Variants in DBH observed in about 807,000 individuals in gnomAD.
DBH encodes dopamine beta-hydroxylase.
Under a neutral mutation model 64.0 loss-of-function variants are expected in DBH, and 49 were observed. The observed-to-expected ratio is 0.77, with a 90% CI of 0.61 to 0.97. The LOEUF (loss-of-function observed/expected upper bound fraction) is 0.97, where lower values mean the gene tolerates loss of function less well. Ranked by LOEUF, DBH falls within the 50% of genes least tolerant of loss-of-function variation. DBH has a pLI of 0.00. For missense variants in DBH, 828 were observed against 826.6 expected, an observed-to-expected ratio of 1.00 and a Z score of -0.02; for synonymous variants, 343 against 347.1, an observed-to-expected ratio of 0.99 and a Z score of 0.13.
At position 133,658,482 on chromosome 9, in the gene DBH, C is replaced by T; in HGVS notation, c.*35C>T. 6.3e-7 allele frequency: 1 copy of T among 1,579,318 alleles called. No individual in the cohort carries two copies. The highest frequency in any genetic ancestry group is 8.6e-7 in the Non-Finnish European group (1 of 1,161,188). ...TACTCCTCCCCCTCCTCCATGCTGT[C>T]CCTGTGGGCTCACACCGGCACTGTG... On this transcript the variant is annotated 3_prime_UTR_variant, in exon 12 of 12. Coordinates refer to ENST00000393056, the MANE Select transcript of DBH (RefSeq NM_000787.4).
intron 5 of DBH, among the ~76,000 whole-genome samples, chr9:133,647,328 A>G (rs1327804254): frequency 2.6e-5 from 4 of 152,224 alleles, no homozygotes; most frequent in African/African-American, 9.7e-5. Context: ...CTTCTGTGCC[A>G]TCGGCAGATG....
At position 133,652,291 on chromosome 9, in the gene DBH, G is replaced by T; in HGVS notation, c.1374+7G>T. 1.2e-6 allele frequency: 2 copies of T among 1,613,076 alleles called. No individual in the cohort carries two copies. On this transcript the variant is annotated splice_region_variant and intron_variant, in intron 8 of 11. Transcript: ENST00000393056. ...GGTCGTGTCGGTCCATCCGGTGAGT[G>T]CCCAGCGGGAAGGCTGTCCCACTCA...
chr9:133,648,343 C>T (rs1171426024), intron 6 of DBH, among the ~76,000 whole-genome samples: 1 of 152,248 alleles, frequency 6.6e-6, no homozygotes. Context: ...GCAGGCACTG[C>T]AGCTAAAGAG....
chr9:133,652,047 A>G (rs1459528317), intron 7 of DBH, among the ~76,000 whole-genome samples, 199 bp from the exon 8 acceptor site: 1 of 152,096 alleles, frequency 6.6e-6, no homozygotes, highest in African/African-American at 2.4e-5. Context: ...GTCTTGGATA[A>G]CCACCTTCTG....
chr9:133,645,112 G>A (rs1309309551), intron 5 of DBH, among the ~76,000 whole-genome samples: 1 of 152,124 alleles, frequency 6.6e-6, no homozygotes, highest in Non-Finnish European at 1.5e-5. Context: ...ACCACCTTGG[G>A]GACGCTGGGT....
intron 1 of DBH, among the ~76,000 whole-genome samples, chr9:133,637,818 A>G (rs1025961739): frequency 2.0e-5 from 3 of 152,210 alleles, no homozygotes; most frequent in African/African-American, 7.2e-5. Context: ...AGGGCCACCC[A>G]GGTAGGGTGA....
chr9:133,650,018 A>C (rs1832225238), intron 6 of DBH, among the ~76,000 whole-genome samples: 1 of 152,250 alleles, frequency 6.6e-6, no homozygotes, highest in African/African-American at 2.4e-5. Flanking sequence ...ATAGGCCAAG[A>C]CAAGAGTGCT....
intron 2 of DBH, among the ~76,000 whole-genome samples, chr9:133,640,955 C>G (rs1397396489): frequency 6.6e-6 from 1 of 152,170 alleles, no homozygotes; most frequent in Non-Finnish European, 1.5e-5. Flanking sequence ...GGGGTGGTCT[C>G]TAGTTGCCTG....
intron 2 of DBH, 62 bp downstream of exon 2, chr9:133,640,054 T>C (rs1832100672): frequency 6.3e-7 from 1 of 1,596,352 alleles, no homozygotes; most frequent in Non-Finnish European, 8.6e-7. Context: ...TGCCATCCTG[T>C]GCCAATGTCA....
chr9:133,648,133 C>T lies in DBH; in HGVS notation c.1191+121C>T, dbSNP rs186326223. The T allele has an allele frequency of 5.7e-5, 66 of 1,167,180 alleles. No homozygotes were observed. In the Admixed American group the frequency reaches 1.0e-3, roughly 18 times the overall value. 72.3% of individuals were successfully genotyped at this position (1,167,180 alleles called of 1,614,324 possible). A position where few individuals can be genotyped will look rare whatever the true frequency, so the allele number is the denominator to read the frequency against. On this transcript the variant is annotated intron_variant, in intron 6 of 11. Coordinates refer to ENST00000393056, the MANE Select transcript of DBH (RefSeq NM_000787.4). Reference sequence around the variant, plus strand: ...GCTTTGGTTTCCCCTGACCCTGAATCCCCCTGCGGTCCTCCCTCTTTTCTG... The same window carrying T: ...GCTTTGGTTTCCCCTGACCCTGAATTCCCCTGCGGTCCTCCCTCTTTTCTG...
At chr9:133,650,864 T>C (rs73662170) in intron 6 of DBH, among the ~76,000 whole-genome samples, 14,349 of 152,264 alleles carry the variant, frequency 0.094, 1,580 homozygotes, top group African/African-American at 0.27. Flanking sequence ...ATGCATTTTC[T>C]ATCTAAAAAA....
At position 133,647,908 on chromosome 9, in the gene DBH, G is replaced by A. The variant is rs1832202017; in HGVS notation, c.1087G>A (p.Gly363Arg). ...AGCCAAGCTGCGGCGCTTCAACGCG[G>A]GGATCATGGAGCTGGGACTGGTGTA... Reference protein sequence around the residue: ...YTAKLRRFNAGIMELGLVYTP... With the variant: ...YTAKLRRFNARIMELGLVYTP... The change falls in exon 6 of 12, where the codon GGG (glycine) becomes AGG (arginine). Residue 363 changes from glycine to arginine, a missense_variant. By Grantham distance (125) the Gly-to-Arg change is moderately radical. Transcript: ENST00000393056. The A allele has an allele frequency of 6.2e-7, 1 of 1,614,210 alleles. No homozygotes were observed. The highest frequency in any genetic ancestry group is 2.2e-5 in the East Asian group (1 of 44,882).
intron 2 of DBH, among the ~76,000 whole-genome samples, chr9:133,641,946 G>A (rs994643016): frequency 6.6e-6 from 1 of 152,232 alleles, no homozygotes; most frequent in Non-Finnish European, 1.5e-5. Flanking sequence ...TGGTTGAATG[G>A]ATGTTAAGTG....
intron 1 of DBH, 76 bp from the exon 2 acceptor site, chr9:133,639,769 CG>C: frequency 4.1e-6 from 6 of 1,472,460 alleles, no homozygotes; most frequent in Non-Finnish European, 4.6e-6. Flanking sequence ...GGAGCTCTGC[CG>C]GGGAATGCCC....
At chr9:133,646,748 T>G (rs1179846685) in intron 5 of DBH, among the ~76,000 whole-genome samples, 1 of 152,052 alleles carries the variant, frequency 6.6e-6, no homozygotes, top group African/African-American at 2.4e-5. Context: ...GGTCTCGAAC[T>G]CCCAACCTCA....
At chr9:133,648,941 A>G (rs1327049902) in intron 6 of DBH, among the ~76,000 whole-genome samples, 2 of 152,232 alleles carry the variant, frequency 1.3e-5, no homozygotes, top group East Asian at 3.8e-4. Context: ...TGCTGCTCAG[A>G]GATGTGAGTG....
At chr9:133,657,494 A>G (rs1250457393) in intron 11 of DBH, among the ~76,000 whole-genome samples, 1 of 147,368 alleles carries the variant, frequency 6.8e-6, no homozygotes, top group African/African-American at 2.6e-5. Context: ...GAGGAGAGAG[A>G]GAGGAGAGAG....
At chr9:133,652,031 A>G (rs774636077) in intron 7 of DBH, among the ~76,000 whole-genome samples, 17 of 152,082 alleles carry the variant, frequency 1.1e-4, no homozygotes, top group Non-Finnish European at 1.9e-4. Context: ...GGGAACATCA[A>G]TCTTGGTCTT....
Position 133,656,573 on chromosome 9 carries a change from C to T in DBH, c.1485C>T (p.Tyr495=). Residue 495 remains tyrosine, a synonymous_variant, in exon 10 of 12, where the codon TAC becomes TAT. Coordinates refer to ENST00000393056, the MANE Select transcript of DBH (RefSeq NM_000787.4). ...TGTGTGTCAACTACGTGCACTACTACCCCCAGACGCAGCTGGAGCTCTGCA... is the reference window on the plus strand; with the variant it reads ...TGTGTGTCAACTACGTGCACTACTATCCCCAGACGCAGCTGGAGCTCTGCA... ...EEMCVNYVHY[Y]PQTQLELCKS... 3 of 1,613,866 alleles carry T rather than the reference C, an allele frequency of 1.9e-6. No homozygotes were observed. The highest frequency in any genetic ancestry group is 2.5e-6 in the Non-Finnish European group (3 of 1,180,004).
Sources: gnomAD v4.1 joint callset for allele counts (sites outside exome capture counted in the v4.1 genomes callset) on GRCh38, gnomAD v4.1.1 for gene constraint, MANE v1.5 for transcripts, NCBI Gene and HGNC (gene_info 2026-07-23, HGNC 2026-07-21) for gene names.